Variants in CHL1 observed in about 807,000 individuals in gnomAD.
CHL1 encodes cell adhesion molecule L1 like.
In CHL1, 96 loss-of-function variants were observed where a neutral mutation model predicts 141.9. The observed-to-expected ratio is 0.68, with a 90% confidence interval of 0.57 to 0.80. The LOEUF (loss-of-function observed/expected upper bound fraction) is 0.80, where lower values mean the gene tolerates loss of function less well. CHL1 is among the 30% of genes least tolerant of loss of function. The probability of loss-of-function intolerance (pLI) is 0.00; values close to 1 mark genes in which losing one functional copy is unlikely to be tolerated. For missense variants in CHL1, 1,820 were observed against 1,457.2 expected, an observed-to-expected ratio of 1.25 and a Z score of -4.05; for synonymous variants, 613 against 502.2, an observed-to-expected ratio of 1.22 and a Z score of -2.95.
chr3:201,744 G>A (rs1161277014), intron 1 of CHL1, among the ~76,000 whole-genome samples: 1 of 152,068 alleles, frequency 6.6e-6, no homozygotes, highest in Non-Finnish European at 1.5e-5. Context: ...TTTGACCAGG[G>A]TTTCTTCTCC....
chr3:335,417 G>C (rs1701783562), intron 5 of CHL1, among the ~76,000 whole-genome samples: 1 of 152,094 alleles, frequency 6.6e-6, no homozygotes, highest in African/African-American at 2.4e-5. Flanking sequence ...AGTCCTAAGT[G>C]GATTAATGGG....
intron 1 of CHL1, among the ~76,000 whole-genome samples, chr3:217,261 G>A (rs1168010671): frequency 6.6e-6 from 1 of 152,012 alleles, no homozygotes; most frequent in Non-Finnish European, 1.5e-5. Context: ...CAAGCAAAGG[G>A]TATATGTGTA....
intron 2 of CHL1, chr3:246,813 A>T (rs1470517617): frequency 6.6e-6 from 1 of 152,132 alleles, no homozygotes; most frequent in African/African-American, 2.4e-5. Flanking sequence ...CATTTCAATT[A>T]TTGCTACATT....
intron 2 of CHL1, among the ~76,000 whole-genome samples, chr3:250,761 T>C (rs1014604696): frequency 6.6e-6 from 1 of 152,150 alleles, no homozygotes; most frequent in Non-Finnish European, 1.5e-5. Flanking sequence ...GTCATTATGC[T>C]TTGTATATTT....
intron 1 of CHL1, among the ~76,000 whole-genome samples, chr3:242,405 G>C (rs1013965573): frequency 2.8e-5 from 4 of 140,486 alleles, no homozygotes; most frequent in Non-Finnish European, 6.2e-5. Context: ...GACCATCCTG[G>C]CTAACACGGT....
chr3:357,806 A>C (rs1036084250), intron 11 of CHL1, among the ~76,000 whole-genome samples: 4 of 152,214 alleles, frequency 2.6e-5, no homozygotes, highest in Non-Finnish European at 5.9e-5. Flanking sequence ...CTAATTTCTT[A>C]CTTTTGTAAT....
intron 2 of CHL1, among the ~76,000 whole-genome samples, chr3:312,371 A>G (rs1194070334): frequency 6.6e-6 from 1 of 152,200 alleles, no homozygotes; most frequent in Non-Finnish European, 1.5e-5. Flanking sequence ...TATGGCTATA[A>G]TGCACAGTGT....
At chr3:380,620 A>G (rs1338018591) in intron 16 of CHL1, among the ~76,000 whole-genome samples, 1 of 152,182 alleles carries the variant, frequency 6.6e-6, no homozygotes, top group African/African-American at 2.4e-5. Context: ...AACAATGCCA[A>G]ATCTCCCTGT....
At chr3:305,057 T>C (rs34574966) in intron 2 of CHL1, among the ~76,000 whole-genome samples, 2 of 152,126 alleles carry the variant, frequency 1.3e-5, no homozygotes. Context: ...TCAAATTGCA[T>C]GCCAAACCAT....
At chr3:366,913 A>G (rs1704973048) in intron 15 of CHL1, among the ~76,000 whole-genome samples, 1 of 152,188 alleles carries the variant, frequency 6.6e-6, no homozygotes, top group Non-Finnish European at 1.5e-5. Context: ...GATGGCATCC[A>G]TTTTCCTTCT....
intron 1 of CHL1, among the ~76,000 whole-genome samples, chr3:229,696 C>T (rs878877940): frequency 1.3e-5 from 2 of 151,802 alleles, no homozygotes; most frequent in Admixed American, 1.3e-4. Context: ...TATGAAATGC[C>T]TATTGAGGTT....
Position 388,322 on chromosome 3 carries a change from C to T in CHL1, c.2248-930C>T, listed in dbSNP as rs185749531. On this transcript the variant is annotated intron_variant, in intron 19 of 27. Coordinates refer to ENST00000256509, the MANE Select transcript of CHL1 (RefSeq NM_006614.4). ...CAGCACTCTGGGAGGCCGAGGCAGG[C>T]GGATCACCTGAGGTTGGGAGTTCAA... Among the ~76,000 whole-genome samples, 1,161 of 151,658 alleles carry T rather than the reference C, an allele frequency of 7.7e-3. 20 individuals carry two copies. Among genetic ancestry groups the T allele is most frequent in the African/African-American group, 0.026 (1,061 of 41,240 alleles).
At chr3:240,333 T>TAAA (rs1692433838) in intron 1 of CHL1, among the ~76,000 whole-genome samples, 1 of 152,252 alleles carries the variant, frequency 6.6e-6, no homozygotes, top group Non-Finnish European at 1.5e-5. Context: ...TGATTTGCAT[T>TAAA]TCCCTGATCA....
chr3:373,955 C>G (rs1300905798), intron 15 of CHL1: 2 of 152,316 alleles, frequency 1.3e-5, no homozygotes, highest in African/African-American at 2.4e-5. Context: ...ACCTGGATAC[C>G]TTGGTTGCCA....
chr3:328,213 C>T lies in CHL1; in HGVS notation c.244C>T (p.Arg82Trp), dbSNP rs752032870. The T allele has an allele frequency of 7.5e-6, 12 of 1,609,206 alleles. No homozygotes were observed. The highest frequency in any genetic ancestry group is 1.7e-4 in the Middle Eastern group (1 of 6,060). The change falls in exon 5 of 28, where the codon CGG becomes TGG. Residue 82 changes from arginine (R) to tryptophan (W), a missense_variant. Coordinates refer to ENST00000256509, the MANE Select transcript of CHL1 (RefSeq NM_006614.4). The stretch of plus-strand genomic sequence containing the variant: ...CAACCCTTTTTATTTCACTGACCAT[C>T]GGATAATTCCATCGAACAATTCAGG... The part of the protein sequence containing the change: ...DGNPFYFTDH[R>W]IIPSNNSGTF...
intron 2 of CHL1, among the ~76,000 whole-genome samples, chr3:266,772 C>G (rs1481629365): frequency 6.6e-6 from 1 of 152,220 alleles, no homozygotes; most frequent in African/African-American, 2.4e-5. Flanking sequence ...GATGGATGCT[C>G]TCCAGATTAG....
intron 5 of CHL1, among the ~76,000 whole-genome samples, chr3:328,670 A>T (rs977587352): frequency 5.3e-5 from 8 of 152,152 alleles, no homozygotes; most frequent in African/African-American, 1.7e-4. Flanking sequence ...GTAATAGATA[A>T]CCCCAAAACC....
intron 3 of CHL1, among the ~76,000 whole-genome samples, chr3:324,548 A>G (rs1472395259): frequency 6.6e-6 from 1 of 152,004 alleles, no homozygotes; most frequent in Non-Finnish European, 1.5e-5. Flanking sequence ...TTATAGTTGT[A>G]ATTCTCAGAA....
chr3:266,136 C>G (rs1025403140), intron 2 of CHL1, among the ~76,000 whole-genome samples: 4 of 152,166 alleles, frequency 2.6e-5, no homozygotes, highest in African/African-American at 9.6e-5. Context: ...AAGGATCCAT[C>G]TTTCTTGCAC....
Sources: allele counts gnomAD v4.1 joint callset (sites outside exome capture counted in the v4.1 genomes callset), GRCh38; gene constraint gnomAD v4.1.1; transcripts MANE v1.5; gene names NCBI Gene and HGNC (gene_info 2026-07-23, HGNC 2026-07-21).